The following CEP112 variants were observed in gnomAD, a reference collection of about 807,000 sequenced individuals.
CEP112 encodes the protein centrosomal protein 112.
A neutral mutation model predicts 153.0 loss-of-function variants in CEP112; 127 were observed. That is an observed-to-expected ratio of 0.83 (90% CI 0.72 to 0.96). The LOEUF is 0.96. Ranked by LOEUF, CEP112 falls within the 40% of genes least tolerant of loss-of-function variation. CEP112 has a pLI of 0.00. For synonymous variants in CEP112, 358 were observed against 374.4 expected (o/e 0.96, Z 0.51); for missense variants, 1,089 against 1,101.2 (o/e 0.99, Z 0.16).
chr17:65,663,918 C>T (rs1188406667), intron 24 of CEP112, among the ~76,000 whole-genome samples: 3 of 152,188 alleles, frequency 2.0e-5, no homozygotes, highest in East Asian at 3.9e-4. Context: ...TGGTGGCGTG[C>T]GCCTGTAGTC....
chr17:65,747,398 C>T (rs1366136202), intron 22 of CEP112, among the ~76,000 whole-genome samples: 2 of 152,180 alleles, frequency 1.3e-5, no homozygotes, highest in African/African-American at 4.8e-5. Context: ...ACACTCGTCC[C>T]TTGGCAGCAG....
rs192745231 is a variant in CEP112, at chr17:65,855,091, A to G, written c.2164-3057T>C. 8.5e-5 allele frequency among the ~76,000 whole-genome samples: 13 copies of G among 152,330 alleles called. No homozygotes were observed. In the East Asian group the frequency reaches 2.3e-3, roughly 27 times the overall value. On this transcript the variant is annotated intron_variant, in intron 20 of 26. Coordinates refer to ENST00000535342, the MANE Select transcript of CEP112 (RefSeq NM_001199165.4). Reference sequence around the variant, plus strand: ...ACTAATAACTATAACAATAATAAACATAACAAAAGCAAATTTTGAGAAGCT... The same window carrying G: ...ACTAATAACTATAACAATAATAAACGTAACAAAAGCAAATTTTGAGAAGCT...
chr17:65,896,018 A>C (rs1380502773), intron 20 of CEP112, among the ~76,000 whole-genome samples: 2 of 152,116 alleles, frequency 1.3e-5, no homozygotes, highest in Non-Finnish European at 2.9e-5. Context: ...ATTAAATATA[A>C]TGAGAACAAA....
At chr17:66,179,087 T>C (rs1246184620) in intron 2 of CEP112, among the ~76,000 whole-genome samples, 4 of 152,184 alleles carry the variant, frequency 2.6e-5, no homozygotes, top group African/African-American at 7.2e-5. Flanking sequence ...ATGGTTTGGT[T>C]ACAATTGCTC....
At chr17:65,875,316 G>C (rs922280715) in intron 20 of CEP112, among the ~76,000 whole-genome samples, 1 of 151,966 alleles carries the variant, frequency 6.6e-6, no homozygotes, top group African/African-American at 2.4e-5. Flanking sequence ...TCCACTGAAT[G>C]TTTGTTTTAA....
At chr17:66,142,907 T>C (rs994053807) in intron 4 of CEP112, among the ~76,000 whole-genome samples, 1 of 152,192 alleles carries the variant, frequency 6.6e-6, no homozygotes, top group Non-Finnish European at 1.5e-5. Flanking sequence ...TTGATAGGGA[T>C]TGCATTGAAA....
chr17:65,948,103 T>C (rs901991463), intron 18 of CEP112, among the ~76,000 whole-genome samples: 3 of 152,132 alleles, frequency 2.0e-5, no homozygotes, highest in Admixed American at 6.5e-5. Context: ...ATAACAATAA[T>C]AGGATGATAC....
At chr17:65,685,496 C>T (rs977028738) in intron 24 of CEP112, among the ~76,000 whole-genome samples, 1 of 152,066 alleles carries the variant, frequency 6.6e-6, no homozygotes, top group Non-Finnish European at 1.5e-5. Flanking sequence ...GGGGCTGTTT[C>T]AAACACATTT....
At chr17:65,866,017 G>A (rs1481658782) in intron 20 of CEP112, among the ~76,000 whole-genome samples, 1 of 152,066 alleles carries the variant, frequency 6.6e-6, no homozygotes, top group African/African-American at 2.4e-5. Context: ...CTGTGGACCT[G>A]GGCCTCCCTG....
At chr17:65,967,743 T>G (rs2062465515) in intron 17 of CEP112, among the ~76,000 whole-genome samples, 1 of 152,136 alleles carries the variant, frequency 6.6e-6, no homozygotes, top group Middle Eastern at 3.2e-3. Flanking sequence ...AGTTTAAAGT[T>G]TATGTAATAA....
At chr17:65,985,593 T>C (rs1360786229) in intron 17 of CEP112, among the ~76,000 whole-genome samples, 4 of 152,190 alleles carry the variant, frequency 2.6e-5, no homozygotes, top group Admixed American at 6.6e-5. Flanking sequence ...TATGGTCTAC[T>C]ATATTAATAA....
chr17:65,982,689 T>A (rs2063271137), intron 17 of CEP112, among the ~76,000 whole-genome samples: 1 of 152,202 alleles, frequency 6.6e-6, no homozygotes, highest in South Asian at 2.1e-4. Flanking sequence ...CAGTAAGCTG[T>A]CCCAGCAATT....
chr17:65,723,835 C>T (rs1256885423), intron 23 of CEP112, among the ~76,000 whole-genome samples: 2 of 152,126 alleles, frequency 1.3e-5, no homozygotes, highest in Admixed American at 1.3e-4. Flanking sequence ...TCTTAAAAAG[C>T]TCTCGAGTCT....
chr17:65,821,540 A>ATATATTTT (rs1568067713), intron 21 of CEP112, among the ~76,000 whole-genome samples: 6 of 33,634 alleles, frequency 1.8e-4, no homozygotes, highest in African/African-American at 8.6e-4. Flanking sequence ...ATATATATAT[A>ATATATTTT]TTTTTTTTTT....
At chr17:65,652,025 G>C (rs570920234) in intron 24 of CEP112, among the ~76,000 whole-genome samples, 7 of 152,292 alleles carry the variant, frequency 4.6e-5, no homozygotes, top group African/African-American at 1.7e-4. Flanking sequence ...TCTTGAGAGT[G>C]TAAGGTGTTA....
intron 21 of CEP112, among the ~76,000 whole-genome samples, chr17:65,758,603 TTTG>T (rs1178384825): frequency 6.6e-6 from 1 of 152,202 alleles, no homozygotes; most frequent in Non-Finnish European, 1.5e-5. Flanking sequence ...AATTAGGAGA[TTTG>T]TCTAAAATAT....
intron 24 of CEP112, among the ~76,000 whole-genome samples, chr17:65,673,146 T>C (rs1049610981): frequency 8.5e-5 from 13 of 152,048 alleles, no homozygotes; most frequent in African/African-American, 3.1e-4. Context: ...TCTAAGCTCA[T>C]TTGGGTTGTT....
intron 23 of CEP112, among the ~76,000 whole-genome samples, chr17:65,706,461 T>C (rs759893597): frequency 3.9e-5 from 6 of 152,210 alleles, no homozygotes; most frequent in South Asian, 4.1e-4. Flanking sequence ...TACACTTAAC[T>C]TGGTGAAAAG....
At chr17:65,905,941 T>C (rs1486759952) in intron 19 of CEP112, among the ~76,000 whole-genome samples, 1 of 150,396 alleles carries the variant, frequency 6.6e-6, no homozygotes. Context: ...CCAGACTCCG[T>C]CTCAAAAAAA....
Sources: allele counts gnomAD v4.1 joint callset (sites outside exome capture counted in the v4.1 genomes callset), GRCh38; gene constraint gnomAD v4.1.1; transcripts MANE v1.5; gene names NCBI Gene and HGNC (gene_info 2026-07-23, HGNC 2026-07-21).